Variants in CD247 observed in about 807,000 individuals in gnomAD.
CD247 encodes the protein T-cell surface glycoprotein CD3 zeta chain.
In CD247, 13 loss-of-function variants were observed where a neutral mutation model predicts 30.0. The observed-to-expected ratio is 0.43, with a 90% CI of 0.28 to 0.69. CD247 has a LOEUF of 0.69. Ranked by LOEUF, CD247 falls within the 30% of genes least tolerant of loss-of-function variation. The pLI, the probability that CD247 is intolerant of heterozygous loss-of-function variation, is 0.16. For missense variants in CD247, 193 were observed against 212.6 expected, an observed-to-expected ratio of 0.91 and a Z score of 0.57; for synonymous variants, 72 against 80.0, an observed-to-expected ratio of 0.90 and a Z score of 0.53.
intron 1 of CD247, among the ~76,000 whole-genome samples, chr1:167,448,875 C>G (rs893007704): frequency 6.6e-6 from 1 of 152,062 alleles, no homozygotes; most frequent in African/African-American, 2.4e-5. Context: ...AATAAATAAA[C>G]AAAAATTTTT....
intron 1 of CD247, among the ~76,000 whole-genome samples, chr1:167,470,339 A>G (rs1653455619): frequency 6.6e-6 from 1 of 152,152 alleles, no homozygotes; most frequent in African/African-American, 2.4e-5. Flanking sequence ...ACTCAGCTCT[A>G]CTTGTCCTAA....
intron 1 of CD247, among the ~76,000 whole-genome samples, chr1:167,497,160 T>A (rs188812599): frequency 6.6e-6 from 1 of 152,180 alleles, no homozygotes; most frequent in Non-Finnish European, 1.5e-5. Flanking sequence ...ACATAGTTCA[T>A]GACAGGGAGA....
chr1:167,509,095 G>A (rs150104247), intron 1 of CD247, among the ~76,000 whole-genome samples: 3,093 of 152,194 alleles, frequency 0.02, 55 homozygotes, highest in Non-Finnish European at 0.033. Flanking sequence ...GGCTGGGCGC[G>A]GTGGCTCATG....
chr1:167,469,377 C>T (rs575913993), intron 1 of CD247, among the ~76,000 whole-genome samples: 5 of 152,252 alleles, frequency 3.3e-5, no homozygotes, highest in African/African-American at 7.2e-5. Context: ...AAGATGGAGA[C>T]GTATTTGATT....
intron 1 of CD247, among the ~76,000 whole-genome samples, chr1:167,464,226 C>T (rs551867991): frequency 1.3e-5 from 2 of 152,066 alleles, no homozygotes; most frequent in African/African-American, 2.4e-5. Flanking sequence ...CTAATTTCCC[C>T]CAAGCAGATG....
chr1:167,480,643 A>G (rs1653936963), intron 1 of CD247, among the ~76,000 whole-genome samples: 1 of 152,246 alleles, frequency 6.6e-6, no homozygotes, highest in Non-Finnish European at 1.5e-5. Context: ...AGTTTGGAGG[A>G]TGGTTTAAGC....
At chr1:167,507,991 G>T (rs993095477) in intron 1 of CD247, among the ~76,000 whole-genome samples, 1 of 152,164 alleles carries the variant, frequency 6.6e-6, no homozygotes, top group Non-Finnish European at 1.5e-5. Flanking sequence ...GAGACTTTGT[G>T]TTTACAGCCA....
chr1:167,505,227 C>A (rs1276697638), intron 1 of CD247, among the ~76,000 whole-genome samples: 1 of 152,096 alleles, frequency 6.6e-6, no homozygotes, highest in Non-Finnish European at 1.5e-5. Context: ...AACTCCTGGG[C>A]TCAAGCAATC....
At position 167,438,508 on chromosome 1, in the gene CD247, A is replaced by G. The variant is rs2101992720; in HGVS notation, c.300+62T>C. ...AGAGTGAGCTGAGGAGCCCTCCCCC[A>G]CAGCCTGGGCTGAGCCCCACCACAC... is the stretch of plus-strand genomic sequence containing the variant. On this transcript the variant is annotated intron_variant, in intron 4 of 7. Transcript: ENST00000362089. 2.2e-6 allele frequency: 3 copies of G among 1,335,164 alleles called. No homozygotes were observed. In the South Asian group the frequency reaches 3.5e-5, roughly 16 times the overall value. The allele number at this position is 1,335,164 out of a possible 1,614,324, so 82.7% of individuals were successfully genotyped here. A position where few individuals can be genotyped will look rare whatever the true frequency, so the allele number is the denominator to read the frequency against.
chr1:167,497,628 A>T (rs1048035897), intron 1 of CD247, among the ~76,000 whole-genome samples: 2 of 152,326 alleles, frequency 1.3e-5, no homozygotes, highest in South Asian at 2.1e-4. Context: ...TTAAAATAAG[A>T]TATAGGATGA....
chr1:167,453,205 T>G (rs1652455335), intron 1 of CD247, among the ~76,000 whole-genome samples: 1 of 152,120 alleles, frequency 6.6e-6, no homozygotes, highest in South Asian at 2.1e-4. Context: ...CCCTTTTATA[T>G]TTTTTATTTC....
At chr1:167,513,999 T>G (rs777990276) in intron 1 of CD247, among the ~76,000 whole-genome samples, 10 of 152,230 alleles carry the variant, frequency 6.6e-5, no homozygotes, top group Non-Finnish European at 1.2e-4. Context: ...TACTACGTTC[T>G]CTAGAGGAAA....
At chr1:167,463,456 A>C (rs987422849) in intron 1 of CD247, among the ~76,000 whole-genome samples, 4 of 152,208 alleles carry the variant, frequency 2.6e-5, no homozygotes, top group Admixed American at 2.6e-4. Context: ...TTTTTTTAAA[A>C]GGAGAAAGGG....
intron 1 of CD247, among the ~76,000 whole-genome samples, chr1:167,473,439 G>T (rs369812098): frequency 6.6e-6 from 1 of 152,156 alleles, no homozygotes; most frequent in Non-Finnish European, 1.5e-5. Context: ...TAGGAGAAAT[G>T]TCATTTAGCC....
At chr1:167,442,931 A>T (rs559919391) in intron 1 of CD247, among the ~76,000 whole-genome samples, 5 of 152,244 alleles carry the variant, frequency 3.3e-5, no homozygotes, top group African/African-American at 1.2e-4. Flanking sequence ...GCCTGAAAAG[A>T]CCACAGCTTT....
Position 167,433,039 on chromosome 1 carries a change from G to C in CD247, c.414C>G (p.His138Gln), listed in dbSNP as rs184894260. The change falls in exon 7 of 8, where the codon CAC becomes CAG. Residue 138 changes from histidine (H) to glutamine (Q), a missense_variant. By Grantham distance (24) the His-to-Gln change is conservative. Transcript: ENST00000362089. Reference sequence around the variant, plus strand: ...CAGCTCCTACCTGGTAAAGGCCATCGTGCCCCTTGCCCCTCCGGCGCTGGT... The same window carrying C: ...CAGCTCCTACCTGGTAAAGGCCATCCTGCCCCTTGCCCCTCCGGCGCTGGT... Reference protein sequence around the residue: ...MKGERRRGKGHDGLYQGLSTA... With the variant: ...MKGERRRGKGQDGLYQGLSTA... The C allele has an allele frequency of 1.2e-6, 2 of 1,614,206 alleles. No individual in the cohort carries two copies. The highest frequency in any genetic ancestry group is 1.7e-6 in the Non-Finnish European group (2 of 1,180,026).
intron 1 of CD247, among the ~76,000 whole-genome samples, chr1:167,469,851 C>T (rs183782201): frequency 6.6e-6 from 1 of 152,242 alleles, no homozygotes; most frequent in East Asian, 1.9e-4. Context: ...CCTTGGACCT[C>T]TTCTCTAATC....
intron 1 of CD247, among the ~76,000 whole-genome samples, chr1:167,468,073 T>C (rs1034086918): frequency 6.6e-6 from 1 of 152,110 alleles, no homozygotes; most frequent in Admixed American, 6.6e-5. Flanking sequence ...GATACTACGC[T>C]CACACCGACA....
chr1:167,513,522 G>C (rs1269253939), intron 1 of CD247, among the ~76,000 whole-genome samples: 2 of 152,060 alleles, frequency 1.3e-5, no homozygotes, highest in Admixed American at 6.5e-5. Context: ...TTAGTAACCT[G>C]GATCAAACCA....
Sources: gnomAD v4.1 joint callset for allele counts (sites outside exome capture counted in the v4.1 genomes callset) on GRCh38, gnomAD v4.1.1 for gene constraint, MANE v1.5 for transcripts, NCBI Gene and HGNC (gene_info 2026-07-23, HGNC 2026-07-21) for gene names.